Variants in SLC26A9 observed in about 807,000 individuals in gnomAD.
The protein encoded by SLC26A9 is anion transporter/exchanger protein 9.
In SLC26A9, 46 loss-of-function variants were observed where a neutral mutation model predicts 87.1. The observed-to-expected ratio is 0.53, with a 90% confidence interval of 0.42 to 0.67. The LOEUF (loss-of-function observed/expected upper bound fraction) is 0.67, where lower values mean the gene tolerates loss of function less well. Ranked by LOEUF, SLC26A9 falls within the 30% of genes least tolerant of loss-of-function variation. The probability of loss-of-function intolerance (pLI) is 0.00; values close to 1 mark genes in which losing one functional copy is unlikely to be tolerated. For synonymous variants in SLC26A9, 437 were observed against 409.1 expected, an observed-to-expected ratio of 1.07 and a Z score of -0.82; for missense variants, 927 against 1,018.3, an observed-to-expected ratio of 0.91 and a Z score of 1.22.
At chr1:205,930,139 T>G (rs1230127264) in intron 5 of SLC26A9, 83 bp from the exon 6 acceptor site, 1 of 1,449,392 alleles carries the variant, frequency 6.9e-7, no homozygotes, top group Non-Finnish European at 9.3e-7. Flanking sequence ...CACACGCAGG[T>G]CTGGAGCTCC....
At chr1:205,937,568 G>A (rs551954193) in intron 1 of SLC26A9, among the ~76,000 whole-genome samples, 9 of 152,346 alleles carry the variant, frequency 5.9e-5, no homozygotes, top group African/African-American at 2.2e-4. Context: ...TGTGTATGAA[G>A]AGGCTGGCCT....
Position 205,924,372 on chromosome 1 carries a change from C to T in SLC26A9, c.1496+11G>A, listed in dbSNP as rs1458043171. 1 of 1,613,524 alleles carries T rather than the reference C, an allele frequency of 6.2e-7. No homozygotes were observed. The highest frequency in any genetic ancestry group is 1.7e-5 in the Admixed American group (1 of 60,014). The stretch of plus-strand genomic sequence containing the variant: ...GACTGTGGGCCTAGGAGGGCGGAAG[C>T]TATCACTTACAACTGAGTCTGGAAG... On this transcript the variant is annotated intron_variant, in intron 13 of 20. Coordinates refer to ENST00000367135, the MANE Select transcript of SLC26A9 (RefSeq NM_052934.4).
intron 5 of SLC26A9, among the ~76,000 whole-genome samples, chr1:205,930,863 G>A (rs996113452): frequency 3.3e-5 from 5 of 152,120 alleles, no homozygotes; most frequent in African/African-American, 7.2e-5. Flanking sequence ...GAGGTCCTCC[G>A]TGACTCTGCT....
At chr1:205,918,032 C>T (rs1658668191) in intron 19 of SLC26A9, among the ~76,000 whole-genome samples, 2 of 152,176 alleles carry the variant, frequency 1.3e-5, no homozygotes, top group East Asian at 1.9e-4. Context: ...AGTCTTTCAG[C>T]ACTTAGAACA....
chr1:205,929,648 T>A (rs1659227485), intron 6 of SLC26A9, among the ~76,000 whole-genome samples: 1 of 152,144 alleles, frequency 6.6e-6, no homozygotes, highest in Non-Finnish European at 1.5e-5. Context: ...AGGGAGGGGT[T>A]GAGGCACTAG....
At position 205,915,547 on chromosome 1, in the gene SLC26A9, T is replaced by TGTGTGTGTGC. The variant is rs1188529665; in HGVS notation, c.2329-144_2329-143insGCACACACAC. ...GTGTGTGTGTGTGTGTGTGTGTGTG[T>TGTGTGTGTGC]GCGAGAGTGTGTGTGAACAGGGGAG... On this transcript the variant is annotated intron_variant, in intron 20 of 20. Coordinates refer to ENST00000367135, the MANE Select transcript of SLC26A9 (RefSeq NM_052934.4). 5.4e-6 allele frequency: 5 copies of TGTGTGTGTGC among 923,168 alleles called. No homozygotes were observed. In the African/African-American group the frequency reaches 8.0e-5, roughly 15 times the overall value. The allele number at this position is 923,168 out of a possible 1,614,324, so 57.2% of individuals were successfully genotyped here.
chr1:205,914,894 A>G lies in SLC26A9; in HGVS notation c.*463T>C, dbSNP rs1658511223. 6.2e-7 allele frequency: 1 copy of G among 1,608,800 alleles called. No homozygotes were observed. Among genetic ancestry groups the G allele is most frequent in the Non-Finnish European group, 8.5e-7 (1 of 1,176,932 alleles). On this transcript the variant is annotated 3_prime_UTR_variant, in exon 21 of 21. Transcript: ENST00000367135. The stretch of plus-strand genomic sequence containing the variant: ...CAGAGTCCTAACCAAGTTTATCCCT[A>G]TGTCCGTGACAGCCTGACACCATCT...
At chr1:205,942,438 T>G (rs1049978836) in intron 1 of SLC26A9, among the ~76,000 whole-genome samples, 1 of 152,156 alleles carries the variant, frequency 6.6e-6, no homozygotes, top group South Asian at 2.1e-4. Flanking sequence ...GTCTGCCCAC[T>G]TGGGGGGCTG....
chr1:205,932,875 T>C, intron 3 of SLC26A9, 63 bp from the exon 4 acceptor site: 1 of 1,602,786 alleles, frequency 6.2e-7, no homozygotes, highest in Non-Finnish European at 8.5e-7. Flanking sequence ...CACAGAGGGA[T>C]GGAGTGGGGA....
At chr1:205,928,409 A>G (rs2102588499) in intron 8 of SLC26A9, 1 of 377,836 alleles carries the variant, frequency 2.6e-6, no homozygotes, top group East Asian at 5.2e-5. Flanking sequence ...CCAACCCTGC[A>G]GGACAAGCGT....
At position 205,918,832 on chromosome 1, in the gene SLC26A9, A is replaced by G. The variant is rs1390623057; in HGVS notation, c.2256+8T>C. 1 of 1,609,288 alleles carries G rather than the reference A, an allele frequency of 6.2e-7. No individual in the cohort carries two copies. Among genetic ancestry groups the G allele is most frequent in the South Asian group, 1.1e-5 (1 of 90,946 alleles). On this transcript the variant is annotated splice_region_variant and intron_variant, in intron 19 of 20. Transcript: ENST00000367135. ...GAGCCTAGGATTCCCCAGGTGCAAG[A>G]ACCTTACCCCTTGGAAGTTGTGTCC...
intron 2 of SLC26A9, among the ~76,000 whole-genome samples, chr1:205,933,887 A>G (rs566820308): frequency 6.6e-6 from 1 of 152,274 alleles, no homozygotes; most frequent in East Asian, 1.9e-4. Flanking sequence ...GTCCTTTCAT[A>G]GAAACTCAGG....
intron 5 of SLC26A9, 133 bp downstream of exon 5, chr1:205,931,727 A>G: frequency 8.0e-7 from 1 of 1,248,338 alleles, no homozygotes; most frequent in Non-Finnish European, 1.1e-6. Context: ...TCAGCCTCCC[A>G]AAGTGCTGGG....
rs568644509 is a variant in SLC26A9, at chr1:205,913,946, A to C, written c.*1411T>G. 4 of 152,374 alleles carry C rather than the reference A, an allele frequency of 2.6e-5. No homozygotes were observed. The South Asian group carries it at 8.3e-4, about 32-fold the overall frequency. The allele number at this position is 152,374 out of a possible 1,614,324, so 9.4% of individuals were successfully genotyped here. A position where few individuals can be genotyped will look rare whatever the true frequency, so the allele number is the denominator to read the frequency against. On this transcript the variant is annotated 3_prime_UTR_variant, in exon 21 of 21. Coordinates refer to ENST00000367135, the MANE Select transcript of SLC26A9 (RefSeq NM_052934.4). ...CAACCTGTTAGGGAAGGGGTTGTTA[A>C]GCTGAAGAAGCTTGAGAAAAGCAGT... is the stretch of plus-strand genomic sequence containing the variant.
rs369821266 is a variant in SLC26A9 at position 205,927,883 on chromosome 1, C to T, written c.1101+19G>A. The T allele has an allele frequency of 3.0e-5, 49 of 1,611,722 alleles. No individual in the cohort carries two copies. Among genetic ancestry groups the T allele is most frequent in the Middle Eastern group, 1.6e-4 (1 of 6,066 alleles). On this transcript the variant is annotated intron_variant, in intron 9 of 20. Transcript: ENST00000367135. Reference sequence around the variant, plus strand: ...GTTGACCTGTCCTGCCCAGTCCTGCCGGGGGTGGCCAGAGCTACCTGGTTC... The same window carrying T: ...GTTGACCTGTCCTGCCCAGTCCTGCTGGGGGTGGCCAGAGCTACCTGGTTC...
Position 205,930,086 on chromosome 1 carries a change from G to A in SLC26A9, c.553-30C>T, listed in dbSNP as rs115755015. 1,437 of 1,572,720 alleles carry A rather than the reference G, an allele frequency of 9.1e-4. 16 individuals carry two copies. The African/African-American group carries it at 0.017, about 18-fold the overall frequency. On this transcript the variant is annotated intron_variant, in intron 5 of 20. Coordinates refer to ENST00000367135, the MANE Select transcript of SLC26A9 (RefSeq NM_052934.4). ...GAGGAGGAAAAGGGTGGTTGGTGGC[G>A]GAAGACCAATGTGGTTCAGCAGTTC... is the stretch of plus-strand genomic sequence containing the variant.
chr1:205,932,764 T>C lies in SLC26A9; in HGVS notation c.314A>G (p.Tyr105Cys). The change falls in exon 4 of 21, where the codon TAC becomes TGC. Residue 105 changes from tyrosine (Y) to cysteine (C), a missense_variant. Tyr to Cys is a radical substitution (Grantham distance 194, BLOSUM62 -2). Transcript: ENST00000367135. ...GGTCAGGAGGGGGAAGAAGGAGGAG[T>C]AGAGGCCATTGACTGCAGGAAGGTT... ...LANLPAVNGL[Y>C]SSFFPLLTYF... 1.3e-6 allele frequency: 2 copies of C among 1,597,930 alleles called. No homozygotes were observed. Among genetic ancestry groups the C allele is most frequent in the South Asian group, 2.3e-5 (2 of 87,644 alleles).
chr1:205,917,644 G>A (rs1658650045), intron 19 of SLC26A9, among the ~76,000 whole-genome samples: 1 of 152,098 alleles, frequency 6.6e-6, no homozygotes. Flanking sequence ...CCTGACCTTG[G>A]GGAATTCCTG....
intron 3 of SLC26A9, 65 bp downstream of exon 3, chr1:205,932,880 T>A (rs1165615157): frequency 1.2e-6 from 2 of 1,601,752 alleles, no homozygotes; most frequent in East Asian, 4.5e-5. Flanking sequence ...AGGGATGGAG[T>A]GGGGATGAGG....
Sources: allele counts gnomAD v4.1 joint callset (sites outside exome capture counted in the v4.1 genomes callset), GRCh38; gene constraint gnomAD v4.1.1; transcripts MANE v1.5; gene names NCBI Gene and HGNC (gene_info 2026-07-23, HGNC 2026-07-21).